ACYP2: variants seen among roughly 807,000 people sequenced by gnomAD.
ACYP2 encodes acylphosphatase 2, also known as acylphosphatase-2.
A neutral mutation model predicts 11.2 loss-of-function variants in ACYP2; 12 were observed. The ratio of observed to expected loss-of-function variants is 1.08; its 90% confidence interval spans 0.69 to 1.74. ACYP2 has a LOEUF of 1.74. Among genes scored for constraint, ACYP2 ranks in the 40% most tolerant of loss-of-function variants. The probability of loss-of-function intolerance (pLI) is 0.00; values close to 1 mark genes in which losing one functional copy is unlikely to be tolerated. For synonymous variants in ACYP2, 43 were observed against 32.2 expected, an observed-to-expected ratio of 1.33 and a Z score of -1.13; for missense variants, 134 against 101.9, an observed-to-expected ratio of 1.31 and a Z score of -1.35.
intron 4 of ACYP2, among the ~76,000 whole-genome samples, chr2:54,121,676 A>G (rs560833978): frequency 1.3e-5 from 2 of 152,362 alleles, no homozygotes; most frequent in African/African-American, 4.8e-5. Flanking sequence ...AAACATAAAT[A>G]TGGTTAACTC....
At chr2:54,039,905 G>C (rs944045123) in intron 2 of ACYP2, among the ~76,000 whole-genome samples, 1 of 149,464 alleles carries the variant, frequency 6.7e-6, no homozygotes, top group African/African-American at 2.5e-5. Context: ...GCCCAGGCTG[G>C]AGTGTGGTGG....
chr2:54,257,655 G>A (rs1687615718), intron 6 of ACYP2, among the ~76,000 whole-genome samples: 1 of 152,116 alleles, frequency 6.6e-6, no homozygotes, highest in African/African-American at 2.4e-5. Context: ...ATTAACCAAA[G>A]ATTAATAATA....
chr2:54,005,342 ATT>A (rs768882230), intron 2 of ACYP2, among the ~76,000 whole-genome samples: 5 of 141,772 alleles, frequency 3.5e-5, no homozygotes, highest in Admixed American at 7.1e-5. Flanking sequence ...ATGAAAGTCT[ATT>A]TTTTTTTTTT....
chr2:54,096,201 C>T (rs1167134950), intron 4 of ACYP2, among the ~76,000 whole-genome samples: 2 of 144,284 alleles, frequency 1.4e-5, no homozygotes, highest in African/African-American at 5.4e-5. Context: ...TCAGACGGGG[C>T]GGCCGGGCAG....
chr2:54,253,616 A>G (rs1030156377), intron 6 of ACYP2: 1 of 152,224 alleles, frequency 6.6e-6, no homozygotes, highest in Non-Finnish European at 1.5e-5. Context: ...CATCATAACT[A>G]GTCAACCCAG....
intron 6 of ACYP2, among the ~76,000 whole-genome samples, chr2:54,279,769 A>C (rs1287922536): frequency 3.9e-5 from 6 of 152,298 alleles, no homozygotes; most frequent in African/African-American, 1.4e-4. Context: ...AATATTTCTC[A>C]CATTCCTTCA....
intron 4 of ACYP2, among the ~76,000 whole-genome samples, chr2:54,110,289 A>G (rs1449012689): frequency 6.6e-6 from 1 of 152,160 alleles, no homozygotes; most frequent in Non-Finnish European, 1.5e-5. Context: ...GCCAAATATT[A>G]TATCATAGTA....
chr2:54,135,675 T>G (rs1681185518), intron 5 of ACYP2, among the ~76,000 whole-genome samples: 1 of 152,208 alleles, frequency 6.6e-6, no homozygotes, highest in Admixed American at 6.5e-5. Flanking sequence ...TAGTATTTAC[T>G]TAACATTTTC....
At chr2:54,145,695 A>G (rs1681850404) in intron 6 of ACYP2, among the ~76,000 whole-genome samples, 1 of 152,210 alleles carries the variant, frequency 6.6e-6, no homozygotes, top group Non-Finnish European at 1.5e-5. Flanking sequence ...AAATGATATT[A>G]AACTATCAAT....
chr2:53,994,739 T>G (rs1385705164), intron 2 of ACYP2, among the ~76,000 whole-genome samples: 2 of 152,180 alleles, frequency 1.3e-5, no homozygotes, highest in Non-Finnish European at 2.9e-5. Flanking sequence ...ATAGCAATTT[T>G]ATTCCCAAAT....
intron 6 of ACYP2, among the ~76,000 whole-genome samples, chr2:54,178,238 T>A (rs1260765096): frequency 6.6e-6 from 1 of 152,212 alleles, no homozygotes; most frequent in Admixed American, 6.5e-5. Context: ...ATATATACAC[T>A]TTTTATATTG....
rs1447852707 is a variant in ACYP2, at chr2:54,115,905, G to GGGGGGGGGGGGT, written c.278-19548_278-19547insGGGGGGGGGGGT. Reference sequence around the variant, plus strand: ...TGACACAGCAGCGGCGGCGGGGAGGGAGGCGAAACGCGCATGCGCCCGAGG... The same window carrying GGGGGGGGGGGGT: ...TGACACAGCAGCGGCGGCGGGGAGGGGGGGGGGGGGGTAGGCGAAACGCGCATGCGCCCGAGG... On this transcript the variant is annotated intron_variant, in intron 4 of 6. Transcript: ENST00000607452. The GGGGGGGGGGGGT allele has an allele frequency of 5.7e-6, 6 of 1,049,194 alleles. No individual in the cohort carries two copies. In the African/African-American group the frequency reaches 1.4e-4, roughly 24 times the overall value. The allele number at this position is 1,049,194 out of a possible 1,614,324, so 65.0% of individuals were successfully genotyped here.
chr2:54,003,879 C>A (rs1385389880), intron 2 of ACYP2, among the ~76,000 whole-genome samples: 1 of 152,232 alleles, frequency 6.6e-6, no homozygotes, highest in Non-Finnish European at 1.5e-5. Context: ...TTCTGTTGAT[C>A]TAGCTCCTCG....
At chr2:54,296,160 T>A (rs1288474498) in intron 6 of ACYP2, among the ~76,000 whole-genome samples, 1 of 152,188 alleles carries the variant, frequency 6.6e-6, no homozygotes, top group African/African-American at 2.4e-5. Context: ...ATGTGATCGT[T>A]GACATCATGC....
intron 6 of ACYP2, among the ~76,000 whole-genome samples, chr2:54,204,245 C>A (rs1456772322): frequency 6.6e-6 from 1 of 151,976 alleles, no homozygotes; most frequent in African/African-American, 2.4e-5. Flanking sequence ...GTTCCGCCCA[C>A]CTCGGCCAAA....
Position 54,009,509 on chromosome 2 carries a change from G to A in ACYP2, c.62+35699G>A, listed in dbSNP as rs1270244904. On this transcript the variant is annotated intron_variant, in intron 2 of 6. Coordinates refer to ENST00000607452, the MANE Select transcript of ACYP2 (RefSeq NM_001320586.2). The stretch of plus-strand genomic sequence containing the variant: ...GAAGCACTTGTACCCAGGAGGTGGA[G>A]GTTGCAGTGAGCCAAGATTGCATCA... 1.3e-5 allele frequency among the ~76,000 whole-genome samples: 2 copies of A among 152,168 alleles called. 1 individual carries two copies.
chr2:54,088,533 G>T (rs1263452288), intron 4 of ACYP2, among the ~76,000 whole-genome samples: 1 of 152,110 alleles, frequency 6.6e-6, no homozygotes, highest in Non-Finnish European at 1.5e-5. Context: ...GAGACTAACT[G>T]GCAAACTGAG....
At chr2:54,199,500 T>C (rs746588759) in intron 6 of ACYP2, among the ~76,000 whole-genome samples, 4 of 152,172 alleles carry the variant, frequency 2.6e-5, no homozygotes, top group Non-Finnish European at 4.4e-5. Flanking sequence ...GCCTAGATCC[T>C]GGTGAGAGAA....
At chr2:54,073,989 TTAACA>T (rs1243480861) in intron 4 of ACYP2, among the ~76,000 whole-genome samples, 2 of 152,176 alleles carry the variant, frequency 1.3e-5, no homozygotes, top group African/African-American at 4.8e-5. Context: ...CTCAAGAAGT[TTAACA>T]TAGAGTTGCC....
Sources: allele counts gnomAD v4.1 joint callset (sites outside exome capture counted in the v4.1 genomes callset), GRCh38; gene constraint gnomAD v4.1.1; transcripts MANE v1.5; gene names NCBI Gene and HGNC (gene_info 2026-07-23, HGNC 2026-07-21).